The following SETBP1 variants were observed in gnomAD, a reference collection of about 807,000 sequenced individuals.
SETBP1 encodes SET binding protein 1, also known as SET-binding protein.
Under a neutral mutation model 101.0 loss-of-function variants are expected in SETBP1, and 9 were observed. The observed-to-expected ratio is 0.09, with a 90% CI of 0.05 to 0.16. SETBP1 has a LOEUF of 0.16. Ranked by LOEUF, SETBP1 falls within the 10% of genes least tolerant of loss-of-function variation. The pLI is 1.00. For synonymous variants in SETBP1, 818 were observed against 788.5 expected (o/e 1.04, Z -0.63); for missense variants, 1,858 against 2,033.8 (o/e 0.91, Z 1.66).
chr18:44,823,128 CA>C (rs35202604), intron 2 of SETBP1, among the ~76,000 whole-genome samples: 3 of 151,220 alleles, frequency 2.0e-5, no homozygotes, highest in Non-Finnish European at 4.4e-5. Context: ...GAGACTTCTC[CA>C]AAAAAAAGGA....
At chr18:44,784,209 C>G (rs1254646389) in intron 2 of SETBP1, among the ~76,000 whole-genome samples, 2 of 152,210 alleles carry the variant, frequency 1.3e-5, no homozygotes, top group African/African-American at 2.4e-5. Flanking sequence ...GTAAAATAAG[C>G]AGGTTCTATT....
At chr18:44,687,394 AT>A (rs1353405682) in intron 1 of SETBP1, among the ~76,000 whole-genome samples, 1 of 152,184 alleles carries the variant, frequency 6.6e-6, no homozygotes, top group Non-Finnish European at 1.5e-5. Context: ...CCCACTGAGG[AT>A]TAATGCCCTT....
chr18:44,823,060 G>A (rs1005827657), intron 2 of SETBP1, among the ~76,000 whole-genome samples: 8 of 152,172 alleles, frequency 5.3e-5, no homozygotes, highest in Non-Finnish European at 1.0e-4. Flanking sequence ...GAACTCAGGT[G>A]GTGGAGGTTG....
chr18:44,685,528 T>C (rs1019679358), intron 1 of SETBP1, among the ~76,000 whole-genome samples: 1 of 152,146 alleles, frequency 6.6e-6, no homozygotes, highest in African/African-American at 2.4e-5. Context: ...GACAAGATCC[T>C]CTTTGGATCG....
At chr18:45,003,992 T>C (rs2072672644) in intron 4 of SETBP1, among the ~76,000 whole-genome samples, 1 of 152,184 alleles carries the variant, frequency 6.6e-6, no homozygotes, top group African/African-American at 2.4e-5. Flanking sequence ...AGTGGGGGCT[T>C]CTGCTGGCAT....
intron 3 of SETBP1, among the ~76,000 whole-genome samples, chr18:44,882,786 A>G (rs1401456489): frequency 6.6e-6 from 1 of 152,160 alleles, no homozygotes; most frequent in Non-Finnish European, 1.5e-5. Flanking sequence ...TATAGGCTTC[A>G]GCAACCTTGC....
intron 4 of SETBP1, among the ~76,000 whole-genome samples, chr18:44,985,536 C>T (rs1361433193): frequency 6.6e-6 from 1 of 152,166 alleles, no homozygotes; most frequent in Non-Finnish European, 1.5e-5. Context: ...GGAGCACAGT[C>T]TTATTTATTT....
At chr18:45,036,488 T>C (rs546675071) in intron 4 of SETBP1, among the ~76,000 whole-genome samples, 5 of 152,318 alleles carry the variant, frequency 3.3e-5, no homozygotes, top group Admixed American at 2.6e-4. Flanking sequence ...ACCTAGCCCA[T>C]GATGAGCACA....
At chr18:44,908,602 GA>G (rs1236234044) in intron 3 of SETBP1, among the ~76,000 whole-genome samples, 1 of 152,116 alleles carries the variant, frequency 6.6e-6, no homozygotes, top group African/African-American at 2.4e-5. Flanking sequence ...TAGCTTTGTA[GA>G]AATTTTAAAA....
chr18:44,995,527 TTTTGTG>T (rs1328479764), intron 4 of SETBP1, among the ~76,000 whole-genome samples: 3 of 107,246 alleles, frequency 2.8e-5, no homozygotes, highest in African/African-American at 1.2e-4. Flanking sequence ...ATGTCCAGGC[TTTTGTG>T]TGTGTGTGTG....
intron 3 of SETBP1, among the ~76,000 whole-genome samples, chr18:44,897,078 C>G (rs1339012147): frequency 2.6e-5 from 4 of 152,158 alleles, no homozygotes; most frequent in Non-Finnish European, 4.4e-5. Context: ...GCACTCCTCA[C>G]TTTTGATTTT....
intron 5 of SETBP1, among the ~76,000 whole-genome samples, chr18:45,060,859 C>T (rs1347630683): frequency 2.6e-5 from 4 of 152,120 alleles, no homozygotes; most frequent in African/African-American, 9.7e-5. Context: ...ATATTTTCCC[C>T]AAATGACCTG....
At chr18:44,908,568 C>T (rs775589445) in intron 3 of SETBP1, among the ~76,000 whole-genome samples, 1 of 152,138 alleles carries the variant, frequency 6.6e-6, no homozygotes, top group Non-Finnish European at 1.5e-5. Flanking sequence ...TTTTCTTATG[C>T]CAGTGTCACA....
chr18:44,861,383 C>T (rs1202393542), intron 2 of SETBP1, among the ~76,000 whole-genome samples: 2 of 151,470 alleles, frequency 1.3e-5, no homozygotes, highest in Non-Finnish European at 2.9e-5. Flanking sequence ...GAACTACAGG[C>T]ACCTGCCACT....
intron 2 of SETBP1, among the ~76,000 whole-genome samples, chr18:44,814,654 A>T (rs751756372): frequency 2.0e-5 from 3 of 152,274 alleles, no homozygotes; most frequent in African/African-American, 4.8e-5. Context: ...TCAGAGATCC[A>T]TATGAACAAT....
At chr18:44,886,053 G>A (rs1303501304) in intron 3 of SETBP1, among the ~76,000 whole-genome samples, 1 of 151,908 alleles carries the variant, frequency 6.6e-6, no homozygotes, top group African/African-American at 2.4e-5. Flanking sequence ...CGGATGGTTT[G>A]GGAAGGACAA....
intron 2 of SETBP1, among the ~76,000 whole-genome samples, chr18:44,860,391 A>C (rs1021471371): frequency 6.6e-6 from 1 of 152,166 alleles, no homozygotes; most frequent in African/African-American, 2.4e-5. Context: ...CTTTTCTTAC[A>C]TTAGTTGTTC....
In SETBP1 at chr18:44,951,194, T is replaced by C; in HGVS notation, c.1854T>C (p.Pro618=). ...SPVSPISREF[P]GTKKRKRRRN... Reference sequence around the variant, plus strand: ...TCAGTCCCATCAGCCGAGAGTTTCCTGGCACTAAGAAAAGAAAGCGACGAC... The same window carrying C: ...TCAGTCCCATCAGCCGAGAGTTTCCCGGCACTAAGAAAAGAAAGCGACGAC... The change falls in exon 4 of 6, where the codon CCT becomes CCC. Residue 618 remains proline (P), a synonymous_variant. Coordinates refer to ENST00000649279, the MANE Select transcript of SETBP1 (RefSeq NM_015559.3). The surrounding 1 kb of genome is among the most constrained non-coding windows in gnomAD (Gnocchi z 7.8). The C allele has an allele frequency of 6.2e-7, 1 of 1,614,152 alleles. No homozygotes were observed. The highest frequency in any genetic ancestry group is 8.5e-7 in the Non-Finnish European group (1 of 1,180,034).
intron 4 of SETBP1, 58 bp from the exon 5 acceptor site, chr18:45,038,427 T>C: frequency 1.3e-6 from 2 of 1,485,108 alleles, no homozygotes; most frequent in Non-Finnish European, 1.9e-6. Flanking sequence ...AGGTTACATG[T>C]TGTCTATCTT....
Sources: gnomAD v4.1 joint callset for allele counts (sites outside exome capture counted in the v4.1 genomes callset) on GRCh38, gnomAD v4.1.1 for gene constraint, Gnocchi (gnomAD v3.1) non-coding constraint, MANE v1.5 for transcripts, NCBI Gene and HGNC (gene_info 2026-07-23, HGNC 2026-07-21) for gene names.